The following RIMS1 variants were observed in gnomAD, a reference collection of about 807,000 sequenced individuals.
RIMS1 encodes the protein regulating synaptic membrane exocytosis 1, also known as regulating synaptic membrane exocytosis protein 1.
In RIMS1, 83 loss-of-function variants were observed where a neutral mutation model predicts 214.1. That is an observed-to-expected ratio of 0.39 (90% confidence interval 0.32 to 0.47). RIMS1 has a LOEUF of 0.47. Among genes scored for constraint, RIMS1 ranks in the 20% least tolerant of loss-of-function variants. RIMS1 has a pLI of 0.99. For synonymous variants in RIMS1, 793 were observed against 786.8 expected (o/e 1.01, Z -0.13); for missense variants, 2,050 against 2,161.8 (o/e 0.95, Z 1.03).
At chr6:72,305,013 A>G (rs959511176) in intron 26 of RIMS1, among the ~76,000 whole-genome samples, 5 of 151,932 alleles carry the variant, frequency 3.3e-5, no homozygotes, top group Non-Finnish European at 5.9e-5. Context: ...GGGAGTAAAT[A>G]TAGTATAGTA....
intron 4 of RIMS1, among the ~76,000 whole-genome samples, chr6:72,177,258 A>C (rs762119142): frequency 6.6e-6 from 1 of 151,968 alleles, no homozygotes; most frequent in Non-Finnish European, 1.5e-5. Context: ...TTTATTTCTT[A>C]TTATTTATTT....
chr6:72,121,978 C>T (rs533152393), intron 4 of RIMS1, among the ~76,000 whole-genome samples: 1 of 151,808 alleles, frequency 6.6e-6, no homozygotes. Context: ...TATGTAGAAC[C>T]AGCCTTGCAT....
At chr6:72,074,133 T>C (rs938263610) in intron 2 of RIMS1, among the ~76,000 whole-genome samples, 5 of 151,894 alleles carry the variant, frequency 3.3e-5, no homozygotes, top group Non-Finnish European at 7.4e-5. Flanking sequence ...GGTAAGGGAG[T>C]AGGACACATT....
At chr6:72,224,343 G>C (rs907957050) in intron 6 of RIMS1, among the ~76,000 whole-genome samples, 3 of 152,110 alleles carry the variant, frequency 2.0e-5, no homozygotes, top group Non-Finnish European at 4.4e-5. Flanking sequence ...AATTTGTAGG[G>C]CAGTATCTTC....
chr6:72,120,974 G>T (rs1461575856), intron 4 of RIMS1, among the ~76,000 whole-genome samples: 1 of 151,728 alleles, frequency 6.6e-6, no homozygotes, highest in Non-Finnish European at 1.5e-5. Context: ...GATATGTGGT[G>T]TTATTTCTGA....
At chr6:72,368,438 A>T (rs1270529607) in intron 29 of RIMS1, among the ~76,000 whole-genome samples, 1 of 149,014 alleles carries the variant, frequency 6.7e-6, no homozygotes, top group African/African-American at 2.5e-5. Flanking sequence ...AGTAGCTGGG[A>T]CTACCACGCC....
intron 2 of RIMS1, among the ~76,000 whole-genome samples, chr6:72,075,253 AAAAAC>A (rs965907581): frequency 1.3e-5 from 2 of 152,058 alleles, no homozygotes; most frequent in African/African-American, 2.4e-5. Context: ...AGCTAATTAA[AAAAAC>A]AAAACAAAAC....
chr6:72,145,804 A>AACG (rs2042671288), intron 4 of RIMS1, among the ~76,000 whole-genome samples: 1 of 152,154 alleles, frequency 6.6e-6, no homozygotes. Context: ...AAACAACAAC[A>AACG]AACAAAAAAC....
intron 2 of RIMS1, among the ~76,000 whole-genome samples, chr6:72,072,830 A>G (rs1290607912): frequency 2.0e-5 from 3 of 152,166 alleles, no homozygotes; most frequent in Non-Finnish European, 4.4e-5. Flanking sequence ...CTCCAGCTTA[A>G]AAAACTCATC....
At chr6:72,213,982 T>A (rs1202912183) in intron 6 of RIMS1, among the ~76,000 whole-genome samples, 1 of 152,162 alleles carries the variant, frequency 6.6e-6, no homozygotes, top group Non-Finnish European at 1.5e-5. Flanking sequence ...TTTAAATGAG[T>A]AAATATTGTT....
At chr6:71,947,142 G>A (rs1788085096) in intron 1 of RIMS1, among the ~76,000 whole-genome samples, 1 of 151,932 alleles carries the variant, frequency 6.6e-6, no homozygotes, top group African/African-American at 2.4e-5. Flanking sequence ...ATGGTAACAA[G>A]TGTTGGCAAG....
intron 2 of RIMS1, among the ~76,000 whole-genome samples, chr6:72,075,396 C>T (rs114654306): frequency 1.4e-4 from 22 of 152,256 alleles, no homozygotes; most frequent in African/African-American, 4.8e-4. Context: ...GCATGAGCCA[C>T]TGTACTCAGC....
In RIMS1 at chr6:72,186,543, C is replaced by G. The variant is rs1034927164; in HGVS notation, c.1678+3394C>G. 2.0e-5 allele frequency among the ~76,000 whole-genome samples: 3 copies of G among 152,218 alleles called. No individual in the cohort carries two copies. In the East Asian group the frequency reaches 5.8e-4, roughly 29 times the overall value. On this transcript the variant is annotated intron_variant, in intron 6 of 33. Transcript: ENST00000521978. ...TTTGAAGATTCTCCTCATTTTGCTT[C>G]TGTTCACTCAGATTTAAAGTGGCCA...
chr6:72,261,553 A>G (rs2078019706), intron 19 of RIMS1: 1 of 931,186 alleles, frequency 1.1e-6, no homozygotes, highest in African/African-American at 1.8e-5. Context: ...TATATTTGAA[A>G]TGAATATAGA....
At chr6:72,164,859 T>C (rs1316871230) in intron 4 of RIMS1, among the ~76,000 whole-genome samples, 1 of 152,204 alleles carries the variant, frequency 6.6e-6, no homozygotes, top group Non-Finnish European at 1.5e-5. Context: ...CTCTTTCTTC[T>C]TATAAAGGAA....
intron 26 of RIMS1, among the ~76,000 whole-genome samples, chr6:72,299,350 T>C (rs2094403075): frequency 6.6e-6 from 1 of 151,940 alleles, no homozygotes; most frequent in South Asian, 2.1e-4. Context: ...GTGTAATTTA[T>C]ACACATGGAG....
rs1181606154 is a variant in RIMS1 at position 72,201,357 on chromosome 6, A to G, written c.1678+18208A>G. On this transcript the variant is annotated intron_variant, in intron 6 of 33. Transcript: ENST00000521978. ...TACGCTTCAAAGTTCATTTAGAAAA[A>G]GATTTGATATTGAAGATTTCAGTAT... is the stretch of plus-strand genomic sequence containing the variant. Among the ~76,000 whole-genome samples the G allele has an allele frequency of 3.3e-5, 5 of 152,358 alleles. No homozygotes were observed. The South Asian group carries it at 6.2e-4, about 19-fold the overall frequency.
chr6:72,400,617 C>T lies in RIMS1; in HGVS notation c.4982C>T (p.Pro1661Leu), dbSNP rs1204632388. ...MVIGWYKLFP[P>L]SSLVDPTLTP... ...ATCGGATGGTACAAATTGTTCCCAC[C>T]GTCCTCACTGGTGGATCCCACACTC... is the stretch of plus-strand genomic sequence containing the variant. The change falls in exon 34 of 34, where the codon CCG becomes CTG. Residue 1661 changes from proline (P) to leucine (L), a missense_variant. Transcript: ENST00000521978. 1.5e-5 allele frequency: 25 copies of T among 1,613,736 alleles called. No individual in the cohort carries two copies. Among genetic ancestry groups the T allele is most frequent in the Middle Eastern group, 1.6e-4 (1 of 6,082 alleles).
chr6:72,230,549 G>T (rs1238774747), intron 6 of RIMS1, among the ~76,000 whole-genome samples: 1 of 151,334 alleles, frequency 6.6e-6, no homozygotes, highest in Non-Finnish European at 1.5e-5. Flanking sequence ...TGTTTAATTG[G>T]CATTGATCGA....
Sources: allele counts gnomAD v4.1 joint callset (sites outside exome capture counted in the v4.1 genomes callset), GRCh38; gene constraint gnomAD v4.1.1; transcripts MANE v1.5; gene names NCBI Gene and HGNC (gene_info 2026-07-23, HGNC 2026-07-21).